Variants in RPAP1 observed in about 807,000 individuals in gnomAD.
RPAP1 encodes the protein RNA polymerase II associated protein 1.
RPAP1 carries 109 observed loss-of-function variants against 142.4 expected under a neutral mutation model. The observed-to-expected ratio is 0.77, with a 90% confidence interval of 0.66 to 0.90. The LOEUF is 0.90. RPAP1 is among the 40% of genes least tolerant of loss of function. The pLI is 0.00. For synonymous variants in RPAP1, 704 were observed against 738.9 expected, an observed-to-expected ratio of 0.95 and a Z score of 0.77; for missense variants, 1,546 against 1,751.7, an observed-to-expected ratio of 0.88 and a Z score of 2.10.
intron 9 of RPAP1, among the ~76,000 whole-genome samples, chr15:41,529,102 C>T (rs1595484738): frequency 1.3e-5 from 2 of 151,970 alleles, no homozygotes; most frequent in South Asian, 2.1e-4. Flanking sequence ...TTTGGGAGGC[C>T]GAGGCAGGCG....
intron 1 of RPAP1, 62 bp from the exon 2 acceptor site, chr15:41,537,263 C>T: frequency 1.3e-6 from 1 of 785,360 alleles, no homozygotes; most frequent in Non-Finnish European, 2.0e-6. Flanking sequence ...TATTGGGCAA[C>T]AGCGAAGATC....
In RPAP1 at chr15:41,531,090, C is replaced by T; in HGVS notation, c.876G>A (p.Glu292=). 1 of 1,614,014 alleles carries T rather than the reference C, an allele frequency of 6.2e-7. No homozygotes were observed. The highest frequency in any genetic ancestry group is 2.2e-5 in the East Asian group (1 of 44,868). The change falls in exon 7 of 25, where the codon GAG becomes GAA. Residue 292 remains glutamate (E), a synonymous_variant. Coordinates refer to ENST00000304330, the MANE Select transcript of RPAP1 (RefSeq NM_015540.4). ...TGGCAAAAGCTGACATGAGGGGTTC[C>T]TCCTTGGTGACATTAGCAGAGGGTC... ...PGGPSANVTK[E]EPLMSAFASE... is the part of the protein sequence containing the mutation.
intron 21 of RPAP1, 40 bp from the exon 22 acceptor site, chr15:41,521,187 C>T (rs2051723153): frequency 6.6e-7 from 1 of 1,506,868 alleles, no homozygotes; most frequent in East Asian, 2.3e-5. Flanking sequence ...GGGCTGGAAC[C>T]ACAGCACTTG....
intron 14 of RPAP1, among the ~76,000 whole-genome samples, chr15:41,526,041 C>T (rs1237541735): frequency 1.3e-5 from 2 of 152,252 alleles, no homozygotes; most frequent in Non-Finnish European, 2.9e-5. Flanking sequence ...CCTCCATCTC[C>T]CGGGTTCAAG....
intron 19 of RPAP1, 61 bp downstream of exon 19, chr15:41,522,704 C>G: frequency 3.9e-5 from 18 of 459,554 alleles, no homozygotes; most frequent in Non-Finnish European, 5.6e-5. Flanking sequence ...CTCCCACTTT[C>G]TTTCTGATTC....
Position 41,520,821 on chromosome 15 carries a change from GGA to G in RPAP1, c.3363_3364del (p.Pro1122HisfsTer46). 2 of 1,613,922 alleles carry G rather than the reference GGA, an allele frequency of 1.2e-6. No individual in the cohort carries two copies. Among genetic ancestry groups the G allele is most frequent in the Non-Finnish European group, 1.7e-6 (2 of 1,180,014 alleles). ...CATGGCTGTGCCCATGGTGTCTGTG[GGA>G]GAGAGTCCCGAGGGGGTGTCTGAAG... On this transcript the variant is annotated frameshift_variant, in exon 22 of 25. Coordinates refer to ENST00000304330, the MANE Select transcript of RPAP1 (RefSeq NM_015540.4). LOFTEE classifies it high-confidence loss of function.
chr15:41,523,915 C>T lies in RPAP1; in HGVS notation c.2292G>A (p.Val764=), dbSNP rs755315726. 8 of 1,608,794 alleles carry T rather than the reference C, an allele frequency of 5.0e-6. No individual in the cohort carries two copies. Among genetic ancestry groups the T allele is most frequent in the Non-Finnish European group, 2.5e-6 (3 of 1,177,452 alleles). The part of the protein sequence containing the change: ...ATPSLVTWTQ[V]SGLQPLVEPC... ...GCTCAACAAGAGGCTGGAGCCCAGA[C>T]ACCTGTGTCCAAGTGACTAAGGAAG... The change falls in exon 17 of 25, where the codon GTG becomes GTA. Residue 764 remains valine (V), a synonymous_variant. Transcript: ENST00000304330.
Position 41,527,893 on chromosome 15 carries a change from A to G in RPAP1, c.1395T>C (p.Ala465=). ...VDGVIATAIR[A]LRALLVAPGD... ...CAGGAGCCACCAGCAGAGCCCGAAG[A>G]GCACGGATGGCGGTTGCAATGACCC... Residue 465 remains alanine, a synonymous_variant, in exon 11 of 25, where the codon GCT becomes GCC. Coordinates refer to ENST00000304330, the MANE Select transcript of RPAP1 (RefSeq NM_015540.4). 1 of 1,614,088 alleles carries G rather than the reference A, an allele frequency of 6.2e-7. No individual in the cohort carries two copies. Among genetic ancestry groups the G allele is most frequent in the Non-Finnish European group, 8.5e-7 (1 of 1,180,030 alleles).
At chr15:41,525,231 A>T in intron 14 of RPAP1, 83 bp from the exon 15 acceptor site, 1 of 1,292,118 alleles carries the variant, frequency 7.7e-7, no homozygotes, top group South Asian at 1.5e-5. Flanking sequence ...GAGTGGCTTA[A>T]CTCAACCCTG....
At chr15:41,537,563 C>A (rs1375679346) in intron 1 of RPAP1, among the ~76,000 whole-genome samples, 1 of 152,008 alleles carries the variant, frequency 6.6e-6, no homozygotes, top group East Asian at 1.9e-4. Flanking sequence ...TTATTAAAAA[C>A]CTTGGGCTGT....
intron 1 of RPAP1, 132 bp from the exon 2 acceptor site, chr15:41,537,333 C>T: frequency 1.7e-6 from 1 of 571,694 alleles, no homozygotes; most frequent in Middle Eastern, 4.7e-4. Context: ...ACTGCCATTC[C>T]CTCTGTCTTC....
At position 41,527,044 on chromosome 15, in the gene RPAP1, CT is replaced by C; in HGVS notation, c.1770del (p.Ile590MetfsTer4). 6.2e-7 allele frequency: 1 copy of C among 1,614,202 alleles called. No homozygotes were observed. The highest frequency in any genetic ancestry group is 8.5e-7 in the Non-Finnish European group (1 of 1,180,020). On this transcript the variant is annotated frameshift_variant, in exon 14 of 25. Coordinates refer to ENST00000304330, the MANE Select transcript of RPAP1 (RefSeq NM_015540.4). LOFTEE classifies it high-confidence loss of function. ...ATRVLECPRL[I>X]ETIVREFLPT... Reference sequence around the variant, plus strand: ...GGCAAGAACTCTCGAACTATAGTCTCTATCAGCCGAGGGCACTCCAGGACCT... The same window carrying C: ...GGCAAGAACTCTCGAACTATAGTCTCATCAGCCGAGGGCACTCCAGGACCT...
At chr15:41,536,848 T>C (rs2051914646) in intron 2 of RPAP1, 97 bp downstream of exon 2, 5 of 1,465,286 alleles carry the variant, frequency 3.4e-6, no homozygotes, top group Non-Finnish European at 1.9e-6. Flanking sequence ...GTGTCTGAAA[T>C]AATAATGATG....
chr15:41,517,496 C>T lies in RPAP1; in HGVS notation c.*46G>A. On this transcript the variant is annotated 3_prime_UTR_variant, in exon 25 of 25. Coordinates refer to ENST00000304330, the MANE Select transcript of RPAP1 (RefSeq NM_015540.4). ...GTCTGGCCAGACATCTGTTGAAAGG[C>T]TGGATACAGGACAACGTACCCATCT... 6.7e-7 allele frequency: 1 copy of T among 1,482,320 alleles called. No homozygotes were observed. Among genetic ancestry groups the T allele is most frequent in the Non-Finnish European group, 9.1e-7 (1 of 1,103,554 alleles). 91.8% of individuals were successfully genotyped at this position (1,482,320 alleles called of 1,614,324 possible). A position where few individuals can be genotyped will look rare whatever the true frequency, so the allele number is the denominator to read the frequency against.
In RPAP1 at chr15:41,521,872, C is replaced by T. The variant is rs772426510; in HGVS notation, c.2904G>A (p.Leu968=). The T allele has an allele frequency of 6.2e-7, 1 of 1,613,724 alleles. No individual in the cohort carries two copies. Among genetic ancestry groups the T allele is most frequent in the East Asian group, 2.2e-5 (1 of 44,886 alleles). ...ALALAQKAAA[L]QPLPATHAAL... is the part of the protein sequence containing the mutation. ...CAGCATGGGTGGCTGGCAGTGGCTG[C>T]AGCGCTGCCTGCAGACAGAAAAGCA... The change falls in exon 21 of 25, where the codon CTG becomes CTA. Residue 968 remains leucine, a synonymous_variant. Coordinates refer to ENST00000304330, the MANE Select transcript of RPAP1 (RefSeq NM_015540.4).
chr15:41,521,629 G>A, intron 21 of RPAP1, 109 bp downstream of exon 21: 1 of 1,271,816 alleles, frequency 7.9e-7, no homozygotes, highest in Non-Finnish European at 1.1e-6. Context: ...AGTGTCGTCG[G>A]TGGAAGAAAG....
intron 14 of RPAP1, among the ~76,000 whole-genome samples, chr15:41,526,532 C>A (rs1234679092): frequency 1.3e-5 from 2 of 152,194 alleles, no homozygotes; most frequent in Non-Finnish European, 2.9e-5. Flanking sequence ...GGATTACAGG[C>A]CTGAGCCACT....
intron 6 of RPAP1, among the ~76,000 whole-genome samples, chr15:41,532,594 CTA>C (rs2051863141): frequency 6.6e-6 from 1 of 151,998 alleles, no homozygotes; most frequent in Non-Finnish European, 1.5e-5. Context: ...GTAGAAGAGA[CTA>C]TACATATACT....
intron 11 of RPAP1, 120 bp from the exon 12 acceptor site, chr15:41,527,725 T>C (rs1289758269): frequency 6.9e-7 from 1 of 1,457,810 alleles, no homozygotes; most frequent in Non-Finnish European, 9.2e-7. Context: ...TTAGGGACTT[T>C]AGGAGATGAG....
Sources: gnomAD v4.1 joint callset for allele counts (sites outside exome capture counted in the v4.1 genomes callset) on GRCh38, gnomAD v4.1.1 for gene constraint, MANE v1.5 for transcripts, NCBI Gene and HGNC (gene_info 2026-07-23, HGNC 2026-07-21) for gene names.